ACER3: variants seen among roughly 807,000 people sequenced by gnomAD.
The protein encoded by ACER3 is alkaline ceramidase 3.
Under a neutral mutation model 48.9 loss-of-function variants are expected in ACER3, and 16 were observed. The ratio of observed to expected loss-of-function variants is 0.33; its 90% CI spans 0.22 to 0.50. ACER3 has a LOEUF of 0.50. Among genes scored for constraint, ACER3 ranks in the 20% least tolerant of loss-of-function variants. The pLI, the probability that ACER3 is intolerant of heterozygous loss-of-function variation, is 0.98. For missense variants in ACER3, 227 were observed against 326.0 expected (o/e 0.70, Z 2.34); for synonymous variants, 109 against 107.8 (o/e 1.01, Z -0.07).
At chr11:76,998,874 C>A in intron 7 of ACER3, 53 bp downstream of exon 7, 1 of 1,383,314 alleles carries the variant, frequency 7.2e-7, no homozygotes, top group Non-Finnish European at 9.8e-7. Context: ...AGACCTATAA[C>A]AGTAAATCTA....
intron 1 of ACER3, among the ~76,000 whole-genome samples, chr11:76,882,468 GTTC>G (rs1945554086): frequency 6.6e-6 from 1 of 152,090 alleles, no homozygotes; most frequent in Non-Finnish European, 1.5e-5. Flanking sequence ...TGTCCACTTA[GTTC>G]TTCTTTATTA....
chr11:77,003,394 G>T (rs1949072886), intron 7 of ACER3, among the ~76,000 whole-genome samples: 1 of 152,132 alleles, frequency 6.6e-6, no homozygotes, highest in African/African-American at 2.4e-5. Context: ...TGTTGAGAGG[G>T]CTTGCAGTGA....
Position 76,968,392 on chromosome 11 carries a change from A to C in ACER3, c.268-7897A>C, listed in dbSNP as rs544791802. On this transcript the variant is annotated intron_variant, in intron 3 of 10. Coordinates refer to ENST00000532485, the MANE Select transcript of ACER3 (RefSeq NM_018367.7). ...CCAAGGTAATTTATAGATTGAATGC[A>C]ATCCCCATCAAGCTACCAATGACTT... is the stretch of plus-strand genomic sequence containing the variant. 1.5e-3 allele frequency among the ~76,000 whole-genome samples: 231 copies of C among 152,274 alleles called. 1 individual carries two copies. Among genetic ancestry groups the C allele is most frequent in the African/African-American group, 5.3e-3 (219 of 41,576 alleles).
chr11:76,975,081 C>T (rs1948407558), intron 3 of ACER3, among the ~76,000 whole-genome samples: 1 of 152,216 alleles, frequency 6.6e-6, no homozygotes, highest in South Asian at 2.1e-4. Flanking sequence ...CATAAGCTCT[C>T]TTCCTACTTC....
At chr11:76,920,042 G>A (rs1295854546) in intron 1 of ACER3, among the ~76,000 whole-genome samples, 2 of 152,096 alleles carry the variant, frequency 1.3e-5, no homozygotes, top group Non-Finnish European at 2.9e-5. Flanking sequence ...GTCAATAGAG[G>A]GCGCCAGAGA....
chr11:76,969,340 G>T (rs10899335), intron 3 of ACER3, among the ~76,000 whole-genome samples: 86,675 of 151,892 alleles, frequency 0.57, 27,899 homozygotes, highest in Non-Finnish European at 0.73. Flanking sequence ...CTTTTACACT[G>T]TTGGTGGGAC....
Position 76,860,987 on chromosome 11 carries a change from C to A in ACER3, c.11C>A (p.Ala4Asp). Residue 4 changes from alanine to aspartate, a missense_variant, in exon 1 of 11, where the codon GCC (alanine) becomes GAC (aspartate). Transcript: ENST00000532485. ...GGCGGCGGCGGCGTGATGGCTCCGG[C>A]CGCGGACCGAGAGGGCTACTGGGGC... is the stretch of plus-strand genomic sequence containing the variant. MAP[A>D]ADREGYWGPT... 4 of 1,538,336 alleles carry A rather than the reference C, an allele frequency of 2.6e-6. No homozygotes were observed. The highest frequency in any genetic ancestry group is 3.5e-6 in the Non-Finnish European group (4 of 1,142,814).
chr11:76,930,014 C>G (rs1452760403), intron 2 of ACER3, among the ~76,000 whole-genome samples: 1 of 150,268 alleles, frequency 6.7e-6, no homozygotes, highest in Non-Finnish European at 1.5e-5. Flanking sequence ...GCCTCTTTTT[C>G]TGTTGATTGG....
In ACER3 at chr11:77,005,030, C is replaced by G. The variant is rs978469421; in HGVS notation, c.497+6209C>G. Among the ~76,000 whole-genome samples, 5 of 133,298 alleles carry G rather than the reference C, an allele frequency of 3.8e-5. No homozygotes were observed. In the East Asian group the frequency reaches 1.1e-3, roughly 30 times the overall value. 87.4% of individuals were successfully genotyped at this position (133,298 alleles called of 152,430 possible). On this transcript the variant is annotated intron_variant, in intron 7 of 10. Transcript: ENST00000532485. ...TTTTCCTGCCTGTGAGTTACTTAAA[C>G]TTTTTCTTTTTTTTTTTTTTTTTTT...
intron 2 of ACER3, among the ~76,000 whole-genome samples, chr11:76,951,587 A>C (rs979010193): frequency 6.6e-6 from 1 of 152,152 alleles, no homozygotes; most frequent in Non-Finnish European, 1.5e-5. Flanking sequence ...TAGAGAGCTA[A>C]TTTCAGGCAC....
At chr11:76,925,810 G>C (rs1400728635) in intron 1 of ACER3, among the ~76,000 whole-genome samples, 1 of 152,048 alleles carries the variant, frequency 6.6e-6, no homozygotes, top group Non-Finnish European at 1.5e-5. Flanking sequence ...TTGATTATTT[G>C]TCTTGATATT....
At chr11:76,963,438 C>T (rs527380350) in intron 3 of ACER3, among the ~76,000 whole-genome samples, 1 of 150,156 alleles carries the variant, frequency 6.7e-6, no homozygotes, top group East Asian at 2.0e-4. Context: ...GTCCACACTC[C>T]TTAATTTTCT....
chr11:76,904,952 A>G (rs1350572792), intron 1 of ACER3, among the ~76,000 whole-genome samples: 3 of 152,060 alleles, frequency 2.0e-5, no homozygotes, highest in Non-Finnish European at 2.9e-5. Flanking sequence ...TCCTGGTTCA[A>G]GTGATTTTCG....
chr11:76,985,876 G>A, intron 5 of ACER3, 152 bp downstream of exon 5: 1 of 448,502 alleles, frequency 2.2e-6, no homozygotes, highest in Non-Finnish European at 3.9e-6. Context: ...TTGCTCCCTT[G>A]TTCTCTGTTC....
chr11:76,909,392 C>G (rs190081522), intron 1 of ACER3, among the ~76,000 whole-genome samples: 115 of 152,132 alleles, frequency 7.6e-4, no homozygotes, highest in African/African-American at 2.5e-3. Context: ...GGGCTAATAT[C>G]CAGAATCTAC....
Position 77,023,265 on chromosome 11 carries a change from T to C in ACER3, c.*2938T>C. ...ATTATGGTTTAAATATAATGCAAAATTTCAGGACAGTTAATTTGGACTTCC... is the reference window on the plus strand; with the variant it reads ...ATTATGGTTTAAATATAATGCAAAACTTCAGGACAGTTAATTTGGACTTCC... On this transcript the variant is annotated 3_prime_UTR_variant, in exon 11 of 11. Coordinates refer to ENST00000532485, the MANE Select transcript of ACER3 (RefSeq NM_018367.7). 1 of 397,908 alleles carries C rather than the reference T, an allele frequency of 2.5e-6. No homozygotes were observed. 24.6% of individuals were successfully genotyped at this position (397,908 alleles called of 1,614,324 possible). A position where few individuals can be genotyped will look rare whatever the true frequency, so the allele number is the denominator to read the frequency against.
chr11:76,905,337 G>GTATTTA (rs1393645800), intron 1 of ACER3, among the ~76,000 whole-genome samples: 1 of 152,018 alleles, frequency 6.6e-6, no homozygotes, highest in Non-Finnish European at 1.5e-5. Flanking sequence ...GTAAAATAAT[G>GTATTTA]TATTTAGCAT....
At chr11:76,930,872 G>A (rs1028070089) in intron 2 of ACER3, among the ~76,000 whole-genome samples, 13 of 151,984 alleles carry the variant, frequency 8.6e-5, no homozygotes, top group Admixed American at 7.9e-4. Context: ...GCTGAGGAGA[G>A]CTTTACTTCC....
At chr11:76,979,230 A>G (rs906478642) in intron 4 of ACER3, among the ~76,000 whole-genome samples, 3 of 152,240 alleles carry the variant, frequency 2.0e-5, no homozygotes, top group African/African-American at 7.2e-5. Flanking sequence ...TCTGACTTCT[A>G]CTTCCTAATA....
Sources: allele counts gnomAD v4.1 joint callset (sites outside exome capture counted in the v4.1 genomes callset), GRCh38; gene constraint gnomAD v4.1.1; transcripts MANE v1.5; gene names NCBI Gene and HGNC (gene_info 2026-07-23, HGNC 2026-07-21).